The following MRC1 variants were observed in gnomAD, a reference collection of about 807,000 sequenced individuals.
The protein encoded by MRC1 is mannose receptor C-type 1.
Under a neutral mutation model 102.9 loss-of-function variants are expected in MRC1, and 62 were observed. That is an observed-to-expected ratio of 0.60 (90% CI 0.49 to 0.74). MRC1 has a LOEUF of 0.74. Ranked by LOEUF, MRC1 falls within the 30% of genes least tolerant of loss-of-function variation. The pLI is 0.00. For missense variants in MRC1, 1,237 were observed against 862.8 expected, an observed-to-expected ratio of 1.43 and a Z score of -5.43; for synonymous variants, 457 against 298.4, an observed-to-expected ratio of 1.53 and a Z score of -5.48.
intron 23 of MRC1, among the ~76,000 whole-genome samples, chr10:17,895,315 T>G (rs1291523955): frequency 6.6e-6 from 1 of 150,748 alleles, no homozygotes; most frequent in Non-Finnish European, 1.5e-5. Context: ...TGGAAGCCTA[T>G]GACAGACAAA....
At chr10:17,909,625 A>G (rs1270798670) in intron 29 of MRC1, among the ~76,000 whole-genome samples, 1 of 150,482 alleles carries the variant, frequency 6.6e-6, no homozygotes, top group African/African-American at 2.4e-5. Flanking sequence ...AATTTCTCTT[A>G]AGAATCTCTG....
At chr10:17,881,670 ATTT>A (rs1184943960) in intron 21 of MRC1, among the ~76,000 whole-genome samples, 12 of 102,780 alleles carry the variant, frequency 1.2e-4, no homozygotes, top group Non-Finnish European at 2.0e-4. Context: ...ACAAATTTTG[ATTT>A]TTTTTTTTTT....
chr10:17,898,426 G>A (rs1365731241), intron 24 of MRC1, among the ~76,000 whole-genome samples, 160 bp downstream of exon 24: 12 of 152,224 alleles, frequency 7.9e-5, no homozygotes, highest in South Asian at 2.1e-4. Context: ...TTTCAGGGAC[G>A]TGATGCCTTT....
chr10:17,901,943 G>C, intron 25 of MRC1, 30 bp from the exon 26 acceptor site: 1 of 780,738 alleles, frequency 1.3e-6, no homozygotes, highest in East Asian at 2.4e-5. Flanking sequence ...TTCAGGTTTT[G>C]CTTTATTTAA....
intron 6 of MRC1, among the ~76,000 whole-genome samples, chr10:17,847,813 T>G (rs1017663449): frequency 2.7e-3 from 122 of 45,994 alleles, no homozygotes; most frequent in African/African-American, 0.012. Context: ...CATTTCAGTT[T>G]TTGAAGGACA....
intron 1 of MRC1, among the ~76,000 whole-genome samples, chr10:17,821,567 G>C (rs961720953): frequency 2.0e-4 from 30 of 152,164 alleles, no homozygotes; most frequent in African/African-American, 7.0e-4. Flanking sequence ...ATAGAGGCAG[G>C]AGATCTGGAA....
chr10:17,855,768 A>G (rs1833080668), intron 8 of MRC1, among the ~76,000 whole-genome samples: 1 of 152,160 alleles, frequency 6.6e-6, no homozygotes, highest in South Asian at 2.1e-4. Flanking sequence ...TACTGTTTAC[A>G]TATGAACATG....
At position 17,907,553 on chromosome 10, in the gene MRC1, T is replaced by A; in HGVS notation, c.3933T>A (p.Asn1311Lys). The part of the protein sequence containing the change: ...RNVEGTWLWI[N>K]NSPVSFVNWN... Reference sequence around the variant, plus strand: ...GACCAGGGACGTGGCTGTGGATAAATAACAGTCCGGTCTCCTTTGTCAACT... The same window carrying A: ...GACCAGGGACGTGGCTGTGGATAAAAAACAGTCCGGTCTCCTTTGTCAACT... The change falls in exon 28 of 30, where the codon AAT (asparagine) becomes AAA (lysine). Residue 1311 changes from asparagine to lysine, a missense_variant. Transcript: ENST00000569591. 1.3e-6 allele frequency: 1 copy of A among 780,890 alleles called. No homozygotes were observed. Among genetic ancestry groups the A allele is most frequent in the Non-Finnish European group, 2.4e-6 (1 of 417,956 alleles). The allele number at this position is 780,890 out of a possible 1,614,324, so 48.4% of individuals were successfully genotyped here. A position where few individuals can be genotyped will look rare whatever the true frequency, so the allele number is the denominator to read the frequency against.
intron 3 of MRC1, among the ~76,000 whole-genome samples, chr10:17,832,416 G>A (rs1431273166): frequency 2.0e-5 from 3 of 149,992 alleles, no homozygotes; most frequent in South Asian, 2.1e-4. Context: ...TTAGCCGGGC[G>A]TGGCGGCGTG....
chr10:17,880,053 C>G (rs1396440296), intron 19 of MRC1, among the ~76,000 whole-genome samples: 1 of 152,148 alleles, frequency 6.6e-6, no homozygotes, highest in Non-Finnish European at 1.5e-5. Flanking sequence ...AAATTAGGAA[C>G]CATTTTTTCA....
chr10:17,813,660 T>TAC (rs1336407911), intron 1 of MRC1, among the ~76,000 whole-genome samples: 37 of 122,480 alleles, frequency 3.0e-4, no homozygotes, highest in Admixed American at 1.3e-3. Flanking sequence ...CATATATATA[T>TAC]ATACACACAC....
chr10:17,828,306 A>T lies in MRC1; in HGVS notation c.637+591A>T, dbSNP rs955108952. ...TTAGCCAGGATGGTCTCGATCTGCTAACCTCGTGATCCGCCCACCTCGCCT... is the reference window on the plus strand; with the variant it reads ...TTAGCCAGGATGGTCTCGATCTGCTTACCTCGTGATCCGCCCACCTCGCCT... On this transcript the variant is annotated intron_variant, in intron 3 of 29. Transcript: ENST00000569591. 2.4e-4 allele frequency among the ~76,000 whole-genome samples: 36 copies of T among 151,510 alleles called. 1 individual carries two copies. Among genetic ancestry groups the T allele is most frequent in the African/African-American group, 7.8e-4 (32 of 40,818 alleles).
intron 23 of MRC1, among the ~76,000 whole-genome samples, chr10:17,895,404 G>C (rs1299064285): frequency 6.6e-6 from 1 of 151,530 alleles, no homozygotes; most frequent in Non-Finnish European, 1.5e-5. Flanking sequence ...GACTAAACCT[G>C]TCACTAAAAC....
intron 4 of MRC1, among the ~76,000 whole-genome samples, chr10:17,839,056 GATAATA>G (rs1186390108): frequency 6.6e-6 from 1 of 151,674 alleles, no homozygotes; most frequent in Non-Finnish European, 1.5e-5. Context: ...TGAAGCTATT[GATAATA>G]ATAATAATAA....
chr10:17,910,088 T>C, intron 29 of MRC1, 127 bp from the exon 30 acceptor site: 1 of 743,378 alleles, frequency 1.3e-6, no homozygotes, highest in Non-Finnish European at 2.5e-6. Context: ...CATCTTTCTT[T>C]TCTGTTTGAC....
At chr10:17,813,662 T>TATACACAC (rs1392444555) in intron 1 of MRC1, among the ~76,000 whole-genome samples, 1 of 138,520 alleles carries the variant, frequency 7.2e-6, no homozygotes, top group South Asian at 2.3e-4. Context: ...TATATATATA[T>TATACACAC]ACACACACAC....
At chr10:17,811,646 G>C (rs1554837446) in intron 1 of MRC1, among the ~76,000 whole-genome samples, 1 of 152,066 alleles carries the variant, frequency 6.6e-6, no homozygotes, top group Non-Finnish European at 1.5e-5. Flanking sequence ...CTGCAGCCTT[G>C]ACATCTGGGC....
chr10:17,810,539 T>A (rs1297953784), intron 1 of MRC1, among the ~76,000 whole-genome samples: 2 of 152,220 alleles, frequency 1.3e-5, no homozygotes, highest in East Asian at 3.9e-4. Context: ...TTACATCCTG[T>A]CTCTCTCACT....
At chr10:17,850,132 T>A (rs1214128018) in intron 7 of MRC1, among the ~76,000 whole-genome samples, 1 of 152,214 alleles carries the variant, frequency 6.6e-6, no homozygotes, top group Non-Finnish European at 1.5e-5. Context: ...TATCTTCTTT[T>A]TTTAGGTCCA....
Sources: allele counts gnomAD v4.1 joint callset (sites outside exome capture counted in the v4.1 genomes callset), GRCh38; gene constraint gnomAD v4.1.1; transcripts MANE v1.5; gene names NCBI Gene and HGNC (gene_info 2026-07-23, HGNC 2026-07-21).